Variants in ZNF827 observed in about 807,000 individuals in gnomAD.
ZNF827 encodes the protein zinc finger protein 827.
In ZNF827, 13 loss-of-function variants were observed where a neutral mutation model predicts 102.4. That is an observed-to-expected ratio of 0.13 (90% CI 0.08 to 0.20). ZNF827 has a LOEUF of 0.20. ZNF827 is among the 10% of genes least tolerant of loss of function. ZNF827 has a pLI of 1.00. For synonymous variants in ZNF827, 523 were observed against 536.2 expected (o/e 0.98, Z 0.34); for missense variants, 1,103 against 1,344.4 (o/e 0.82, Z 2.81).
intron 1 of ZNF827, among the ~76,000 whole-genome samples, chr4:145,919,124 G>A (rs1049642731): frequency 6.6e-6 from 1 of 152,026 alleles, no homozygotes; most frequent in Non-Finnish European, 1.5e-5. Flanking sequence ...AGGACTGGTG[G>A]CATACTCTAG....
At chr4:145,797,451 C>T (rs1037643470) in intron 8 of ZNF827, among the ~76,000 whole-genome samples, 6 of 152,192 alleles carry the variant, frequency 3.9e-5, no homozygotes, top group Admixed American at 1.3e-4. Flanking sequence ...TACAGCTGTT[C>T]ACCTGGTCAC....
At chr4:145,764,961 A>G (rs370898386) in intron 13 of ZNF827, 27 bp downstream of exon 13, 6 of 1,609,420 alleles carry the variant, frequency 3.7e-6, no homozygotes, top group Non-Finnish European at 5.1e-6. Context: ...ACAACGCAGT[A>G]AAAGGTTCTG....
chr4:145,775,869 C>G lies in ZNF827; in HGVS notation c.2613G>C (p.Leu871=). 1 of 1,614,174 alleles carries G rather than the reference C, an allele frequency of 6.2e-7. No homozygotes were observed. The highest frequency in any genetic ancestry group is 8.5e-7 in the Non-Finnish European group (1 of 1,180,036). The change falls in exon 10 of 15, where the codon CTG becomes CTC. Residue 871 remains leucine (L), a synonymous_variant. Coordinates refer to ENST00000508784, the MANE Select transcript of ZNF827 (RefSeq NM_001306215.2). ...CAATGTCCTCGGTGTCTGTACTCAC[C>G]AGCTTCACGGAATGGACGGTCAAGT... ...NQHLTVHSVK[L]VSTDTEDIVS...
At chr4:145,799,197 A>G (rs1287890754) in intron 8 of ZNF827, among the ~76,000 whole-genome samples, 1 of 152,226 alleles carries the variant, frequency 6.6e-6, no homozygotes, top group East Asian at 1.9e-4. Flanking sequence ...AGATTTACAA[A>G]CCAAATGAAA....
chr4:145,778,426 G>A (rs1355099389), intron 9 of ZNF827, among the ~76,000 whole-genome samples: 1 of 152,124 alleles, frequency 6.6e-6, no homozygotes, highest in Non-Finnish European at 1.5e-5. Context: ...GAGCCATCGC[G>A]CCCGACAACA....
At chr4:145,768,544 T>C (rs1224639586) in intron 11 of ZNF827, among the ~76,000 whole-genome samples, 3 of 152,068 alleles carry the variant, frequency 2.0e-5, no homozygotes, top group African/African-American at 7.2e-5. Flanking sequence ...AATGTTAAGA[T>C]GTCAATTATC....
At chr4:145,936,811 G>A (rs900377087) in intron 1 of ZNF827, among the ~76,000 whole-genome samples, 1 of 152,164 alleles carries the variant, frequency 6.6e-6, no homozygotes, top group Admixed American at 6.5e-5. Flanking sequence ...ACGTCGGCCT[G>A]ACACCCGGGC....
intron 2 of ZNF827, among the ~76,000 whole-genome samples, chr4:145,894,547 G>A (rs1750835897): frequency 6.6e-6 from 1 of 152,158 alleles, no homozygotes; most frequent in Non-Finnish European, 1.5e-5. Flanking sequence ...GAACCAGAGG[G>A]TTCTGGAATA....
intron 1 of ZNF827, among the ~76,000 whole-genome samples, chr4:145,920,898 T>C (rs1753015811): frequency 6.6e-6 from 1 of 152,232 alleles, no homozygotes; most frequent in Non-Finnish European, 1.5e-5. Flanking sequence ...TCAGTTACTG[T>C]TATGTGCAAG....
chr4:145,818,601 G>T (rs1742828240), intron 8 of ZNF827, among the ~76,000 whole-genome samples: 4 of 152,184 alleles, frequency 2.6e-5, no homozygotes, highest in Admixed American at 2.6e-4. Context: ...AAAAGAATCT[G>T]CTGTGTTTGA....
chr4:145,918,741 C>G (rs2126955136), intron 1 of ZNF827, among the ~76,000 whole-genome samples: 1 of 152,286 alleles, frequency 6.6e-6, no homozygotes, highest in African/African-American at 2.4e-5. Flanking sequence ...ACACACCCAG[C>G]CTGCACAGCC....
intron 7 of ZNF827, among the ~76,000 whole-genome samples, chr4:145,834,360 T>C (rs1007298636): frequency 6.6e-6 from 1 of 152,120 alleles, no homozygotes; most frequent in African/African-American, 2.4e-5. Context: ...CAAGCGTCGC[T>C]GAGTCTTTCT....
chr4:145,826,544 C>A (rs1743697451), intron 7 of ZNF827, among the ~76,000 whole-genome samples: 1 of 152,180 alleles, frequency 6.6e-6, no homozygotes, highest in African/African-American at 2.4e-5. Context: ...GAGAGCGAGA[C>A]CACATTCACA....
chr4:145,849,465 T>A lies in ZNF827; in HGVS notation c.2078A>T (p.Asn693Ile). 1 of 1,614,218 alleles carries A rather than the reference T, an allele frequency of 6.2e-7. No homozygotes were observed. Among genetic ancestry groups the A allele is most frequent in the East Asian group, 2.2e-5 (1 of 44,872 alleles). Residue 693 changes from asparagine (N) to isoleucine (I), a missense_variant, in exon 6 of 15, where the codon AAT becomes ATT. Physicochemically the swap from Asn to Ile is moderately radical, Grantham distance 149. Transcript: ENST00000508784. ...CCCGATTAAAGTGCTGTAGCCAACA[T>A]TCCGGCTGGGTGATATCGAGACATG... Reference protein sequence around the residue: ...DSHVSISPSRNVGYSTLIGRE... With the variant: ...DSHVSISPSRIVGYSTLIGRE...
intron 8 of ZNF827, among the ~76,000 whole-genome samples, chr4:145,805,094 C>T (rs1053648328): frequency 7.9e-5 from 12 of 151,164 alleles, no homozygotes; most frequent in East Asian, 5.8e-4. Flanking sequence ...CCTGACACGT[C>T]TCTTTATAAA....
intron 8 of ZNF827, among the ~76,000 whole-genome samples, chr4:145,818,680 G>A (rs1354372897): frequency 6.6e-6 from 1 of 152,154 alleles, no homozygotes; most frequent in African/African-American, 2.4e-5. Context: ...TCTCTCTCTC[G>A]AGGCCTGAGT....
At chr4:145,895,211 T>C (rs962582372) in intron 2 of ZNF827, among the ~76,000 whole-genome samples, 1 of 152,138 alleles carries the variant, frequency 6.6e-6, no homozygotes, top group Non-Finnish European at 1.5e-5. Flanking sequence ...TAAAAGGGCA[T>C]TAGCTAAAAA....
At chr4:145,812,507 A>G (rs1449953583) in intron 8 of ZNF827, among the ~76,000 whole-genome samples, 10 of 145,404 alleles carry the variant, frequency 6.9e-5, no homozygotes, top group Admixed American at 6.1e-4. Context: ...ATATTTATTT[A>G]TTTATTTATT....
chr4:145,885,743 G>A lies in ZNF827; in HGVS notation c.1682C>T (p.Ala561Val), dbSNP rs752683420. Residue 561 changes from alanine (A) to valine (V), a missense_variant, in exon 4 of 15, where the codon GCG becomes GTG. Transcript: ENST00000508784. ...GATGTCCTGGCTGAACAATGCTGACGCACTGTTGGCCACATACTCGGAGGG... is the reference window on the plus strand; with the variant it reads ...GATGTCCTGGCTGAACAATGCTGACACACTGTTGGCCACATACTCGGAGGG... ...KDPSEYVANS[A>V]SALFSQDISV... The A allele has an allele frequency of 8.2e-6, 13 of 1,588,144 alleles. No homozygotes were observed. The highest frequency in any genetic ancestry group is 1.2e-5 in the South Asian group (1 of 85,508).
Sources: gnomAD v4.1 joint callset for allele counts (sites outside exome capture counted in the v4.1 genomes callset) on GRCh38, gnomAD v4.1.1 for gene constraint, MANE v1.5 for transcripts, NCBI Gene and HGNC (gene_info 2026-07-23, HGNC 2026-07-21) for gene names.